Variants in TBC1D23 observed in about 807,000 individuals in gnomAD.
The protein encoded by TBC1D23 is HCV non-structural protein 4A-transactivated protein 1.
A neutral mutation model predicts 91.4 loss-of-function variants in TBC1D23; 55 were observed. That is an observed-to-expected ratio of 0.60 (90% confidence interval 0.48 to 0.75). TBC1D23 has a LOEUF of 0.75. Among genes scored for constraint, TBC1D23 ranks in the 30% least tolerant of loss-of-function variants. The pLI, the probability that TBC1D23 is intolerant of heterozygous loss-of-function variation, is 0.00. For missense variants in TBC1D23, 725 were observed against 836.1 expected, an observed-to-expected ratio of 0.87 and a Z score of 1.64; for synonymous variants, 289 against 281.0, an observed-to-expected ratio of 1.03 and a Z score of -0.28.
At position 100,281,864 on chromosome 3, in the gene TBC1D23, CT is replaced by C; in HGVS notation, c.271+20del. The C allele has an allele frequency of 1.3e-6, 2 of 1,504,056 alleles. No homozygotes were observed. Among genetic ancestry groups the C allele is most frequent in the Non-Finnish European group, 1.8e-6 (2 of 1,091,652 alleles). The allele number at this position is 1,504,056 out of a possible 1,614,324, so 93.2% of individuals were successfully genotyped here. A position where few individuals can be genotyped will look rare whatever the true frequency, so the allele number is the denominator to read the frequency against. ...AGTTTATTGGTAAGCTGAATAATCA[CT>C]TTCAAGCAGAGTTAAATTTTGGAAA... On this transcript the variant is annotated intron_variant, in intron 3 of 18. Coordinates refer to ENST00000394144, the MANE Select transcript of TBC1D23 (RefSeq NM_001199198.3).
chr3:100,282,467 T>C (rs1206507378), intron 3 of TBC1D23, among the ~76,000 whole-genome samples: 1 of 152,208 alleles, frequency 6.6e-6, no homozygotes, highest in Non-Finnish European at 1.5e-5. Flanking sequence ...GGAGCTTTGT[T>C]CCAAAAGTTT....
intron 13 of TBC1D23, among the ~76,000 whole-genome samples, chr3:100,308,534 A>G (rs947510736): frequency 6.6e-6 from 1 of 152,244 alleles, no homozygotes; most frequent in Non-Finnish European, 1.5e-5. Flanking sequence ...TATGTAAATA[A>G]GAAAAGTATA....
intron 1 of TBC1D23, among the ~76,000 whole-genome samples, chr3:100,278,499 C>T (rs1033697755): frequency 1.3e-5 from 2 of 152,012 alleles, no homozygotes; most frequent in African/African-American, 4.8e-5. Flanking sequence ...AATTGTCTGC[C>T]TTAGCCTGCC....
At chr3:100,261,104 C>T (rs371930727) in intron 1 of TBC1D23, 33 bp downstream of exon 1, 55 of 1,598,884 alleles carry the variant, frequency 3.4e-5, no homozygotes, top group Non-Finnish European at 4.3e-5. Flanking sequence ...TTCCAATGCC[C>T]CTTTATTCTT....
At position 100,290,644 on chromosome 3, in the gene TBC1D23, G is replaced by A. The variant is rs561632705; in HGVS notation, c.543G>A (p.Glu181=). The change falls in exon 5 of 19, where the codon GAG becomes GAA. Residue 181 remains glutamate (E), a synonymous_variant. Coordinates refer to ENST00000394144, the MANE Select transcript of TBC1D23 (RefSeq NM_001199198.3). ...TGCTCATCCAATACCATGAGCCTGAGCTTTGTTCTTATCTTGATACAAAGA... is the reference window on the plus strand; with the variant it reads ...TGCTCATCCAATACCATGAGCCTGAACTTTGTTCTTATCTTGATACAAAGA... ...FRLLIQYHEP[E]LCSYLDTKKI... 3.0e-4 allele frequency: 479 copies of A among 1,613,290 alleles called. 9 individuals carry two copies. The South Asian group carries it at 5.0e-3, about 17-fold the overall frequency.
At position 100,279,671 on chromosome 3, in the gene TBC1D23, C is replaced by T. The variant is rs138283176; in HGVS notation, c.76C>T (p.Leu26=). The change falls in exon 2 of 19, where the codon CTG becomes TTG. Residue 26 remains leucine (L), a synonymous_variant. Transcript: ENST00000394144. ...DGWEKDLEEA[L]EAGGCDLETL... ...TAGGGAAAAAGATCTTGAAGAAGCT[C>T]TGGAAGCAGGAGGTTGTGATCTTGA... The T allele has an allele frequency of 8.7e-6, 14 of 1,604,678 alleles. No homozygotes were observed. The African/African-American group carries it at 1.6e-4, about 18-fold the overall frequency.
chr3:100,296,586 G>C (rs1364917134), intron 8 of TBC1D23, among the ~76,000 whole-genome samples: 1 of 152,094 alleles, frequency 6.6e-6, no homozygotes, highest in Non-Finnish European at 1.5e-5. Context: ...AGGGCCGGGC[G>C]TGGTGGCTCA....
rs116062365 is a variant in TBC1D23 at position 100,302,814 on chromosome 3, C to T, written c.1263+577C>T. Among the ~76,000 whole-genome samples the T allele has an allele frequency of 6.8e-3, 1,041 of 152,226 alleles. 16 individuals carry two copies. Among genetic ancestry groups the T allele is most frequent in the African/African-American group, 0.024 (995 of 41,530 alleles). ...TTGGCCAGGCTGACATAGTGATCTCCGGACCTCAAGTGATCCGCCCTCCTC... is the reference window on the plus strand; with the variant it reads ...TTGGCCAGGCTGACATAGTGATCTCTGGACCTCAAGTGATCCGCCCTCCTC... On this transcript the variant is annotated intron_variant, in intron 11 of 18. Coordinates refer to ENST00000394144, the MANE Select transcript of TBC1D23 (RefSeq NM_001199198.3).
intron 1 of TBC1D23, among the ~76,000 whole-genome samples, chr3:100,266,778 T>C (rs999108743): frequency 6.6e-6 from 1 of 152,196 alleles, no homozygotes; most frequent in Non-Finnish European, 1.5e-5. Context: ...CCCAGTTAAA[T>C]ATACTGTAAT....
chr3:100,289,835 TAC>T (rs2067774823), intron 4 of TBC1D23, among the ~76,000 whole-genome samples: 1 of 152,150 alleles, frequency 6.6e-6, no homozygotes, highest in Non-Finnish European at 1.5e-5. Flanking sequence ...GGGTTTGGTG[TAC>T]AGATTATTTC....
intron 16 of TBC1D23, among the ~76,000 whole-genome samples, chr3:100,317,431 T>C (rs1262542369): frequency 6.6e-6 from 1 of 152,190 alleles, no homozygotes; most frequent in East Asian, 1.9e-4. Context: ...GGTTTTTTGT[T>C]TGTTTCAAAT....
At position 100,266,924 on chromosome 3, in the gene TBC1D23, G is replaced by A. The variant is rs536242499; in HGVS notation, c.53+5853G>A. The stretch of plus-strand genomic sequence containing the variant: ...AGTGCCTTCTCTCATGTGTCAAAAA[G>A]CAAAATAGAGTTTAGCAAAAACATT... On this transcript the variant is annotated intron_variant, in intron 1 of 18. Coordinates refer to ENST00000394144, the MANE Select transcript of TBC1D23 (RefSeq NM_001199198.3). Among the ~76,000 whole-genome samples the A allele has an allele frequency of 1.7e-3, 254 of 152,254 alleles. 1 individual carries two copies. The Middle Eastern group carries it at 0.017, about 10-fold the overall frequency.
At chr3:100,315,390 G>A (rs1269720563) in intron 15 of TBC1D23, among the ~76,000 whole-genome samples, 9 of 151,958 alleles carry the variant, frequency 5.9e-5, no homozygotes, top group African/African-American at 1.5e-4. Flanking sequence ...TTGAACTCCC[G>A]ACCTCAGGTG....
intron 5 of TBC1D23, among the ~76,000 whole-genome samples, chr3:100,291,784 G>C (rs1383849896): frequency 1.4e-5 from 2 of 146,044 alleles, no homozygotes; most frequent in African/African-American, 2.5e-5. Flanking sequence ...TATCATATCT[G>C]CTTTTTTTTT....
chr3:100,320,807 C>T lies in TBC1D23; in HGVS notation c.1854C>T (p.Tyr618=), dbSNP rs748862857. The change falls in exon 18 of 19, where the codon TAC becomes TAT. Residue 618 remains tyrosine, a synonymous_variant. Coordinates refer to ENST00000394144, the MANE Select transcript of TBC1D23 (RefSeq NM_001199198.3). ...SHLLVTATHM[Y]CLREIVSRKG... ...TGTTGGTTACTGCAACACATATGTA[C>T]TGTTTAAGGGAGATTGTTTCACGGA... is the stretch of plus-strand genomic sequence containing the variant. 1.1e-5 allele frequency: 17 copies of T among 1,590,340 alleles called. No homozygotes were observed. The highest frequency in any genetic ancestry group is 1.5e-5 in the Non-Finnish European group (17 of 1,170,630).
intron 12 of TBC1D23, among the ~76,000 whole-genome samples, chr3:100,305,619 G>A (rs1260506659): frequency 6.6e-6 from 1 of 152,086 alleles, no homozygotes; most frequent in Non-Finnish European, 1.5e-5. Flanking sequence ...TATGTTGAGG[G>A]TAATGGAATC....
intron 10 of TBC1D23, among the ~76,000 whole-genome samples, chr3:100,301,584 G>A (rs1056963295): frequency 6.6e-5 from 10 of 152,076 alleles, no homozygotes; most frequent in African/African-American, 1.9e-4. Flanking sequence ...TTTCCTTGAG[G>A]GTAAGAAATG....
intron 1 of TBC1D23, among the ~76,000 whole-genome samples, chr3:100,272,539 G>A (rs1422219450): frequency 6.6e-6 from 1 of 152,104 alleles, no homozygotes; most frequent in Non-Finnish European, 1.5e-5. Flanking sequence ...TTTCTCGTTA[G>A]GTGGAACGAG....
At chr3:100,322,544 A>G (rs1278579267) in intron 18 of TBC1D23, among the ~76,000 whole-genome samples, 1 of 152,204 alleles carries the variant, frequency 6.6e-6, no homozygotes, top group Non-Finnish European at 1.5e-5. Context: ...AAAAACATGT[A>G]TGTTTACATA....
Sources: gnomAD v4.1 joint callset for allele counts (sites outside exome capture counted in the v4.1 genomes callset) on GRCh38, gnomAD v4.1.1 for gene constraint, MANE v1.5 for transcripts, NCBI Gene and HGNC (gene_info 2026-07-23, HGNC 2026-07-21) for gene names.